The following MAML3 variants were observed in gnomAD, a reference collection of about 807,000 sequenced individuals.
MAML3 encodes the protein mastermind-like protein 3.
A neutral mutation model predicts 101.9 loss-of-function variants in MAML3; 27 were observed. That is an observed-to-expected ratio of 0.27 (90% CI 0.20 to 0.37). MAML3 has a LOEUF of 0.37. Ranked by LOEUF, MAML3 falls within the 10% of genes least tolerant of loss-of-function variation. The pLI is 1.00. For missense variants in MAML3, 1,316 were observed against 1,444.9 expected (o/e 0.91, Z 1.45); for synonymous variants, 501 against 555.9 (o/e 0.90, Z 1.39).
chr4:140,088,708 A>G lies in MAML3; in HGVS notation c.468+64152T>C, dbSNP rs544313617. ...GCATTGCCAGGAGCTCTTCACTGGT[A>G]TCTCCTTTGGTATTTAAAAGCTTCT... is the stretch of plus-strand genomic sequence containing the variant. On this transcript the variant is annotated intron_variant, in intron 1 of 4. Coordinates refer to ENST00000509479, the MANE Select transcript of MAML3 (RefSeq NM_018717.5). Among the ~76,000 whole-genome samples, 25 of 152,228 alleles carry G rather than the reference A, an allele frequency of 1.6e-4. No homozygotes were observed. The South Asian group carries it at 5.0e-3, about 30-fold the overall frequency.
intron 1 of MAML3, among the ~76,000 whole-genome samples, chr4:139,921,560 G>A (rs1469382900): frequency 1.3e-5 from 2 of 152,076 alleles, no homozygotes; most frequent in Non-Finnish European, 2.9e-5. Context: ...GATCTGTGGG[G>A]AGACTGCAAT....
chr4:139,803,708 T>C (rs1038662785), intron 2 of MAML3, among the ~76,000 whole-genome samples: 23 of 152,172 alleles, frequency 1.5e-4, no homozygotes, highest in African/African-American at 5.6e-4. Context: ...CACACAGCAC[T>C]TTACAGTCTA....
At chr4:139,723,563 C>T (rs752924821) in intron 4 of MAML3, among the ~76,000 whole-genome samples, 6 of 152,160 alleles carry the variant, frequency 3.9e-5, no homozygotes, top group Non-Finnish European at 7.4e-5. Context: ...CTGCCCGCCT[C>T]GGCCTCCCAA....
chr4:140,051,280 C>T (rs1259853052), intron 1 of MAML3, among the ~76,000 whole-genome samples: 5 of 152,286 alleles, frequency 3.3e-5, no homozygotes, highest in South Asian at 2.1e-4. Context: ...TCAGGCCAGT[C>T]ACAATGGCTC....
chr4:140,118,603 G>A (rs903895633), intron 1 of MAML3, among the ~76,000 whole-genome samples: 2 of 152,070 alleles, frequency 1.3e-5, no homozygotes, highest in Non-Finnish European at 2.9e-5. Context: ...CCAGCACTTT[G>A]GGAGGCGAAG....
At chr4:139,834,997 T>C (rs575582067) in intron 2 of MAML3, among the ~76,000 whole-genome samples, 93 of 152,344 alleles carry the variant, frequency 6.1e-4, no homozygotes, top group African/African-American at 2.2e-3. Flanking sequence ...TACTAATATG[T>C]TTCCTGTTGG....
chr4:139,989,880 C>CAG (rs1310864161), intron 1 of MAML3, among the ~76,000 whole-genome samples: 15 of 58,162 alleles, frequency 2.6e-4, no homozygotes, highest in South Asian at 8.8e-4. Context: ...CACACACACA[C>CAG]ACAGAGAGAG....
chr4:139,902,073 A>G (rs1288874830), intron 1 of MAML3, among the ~76,000 whole-genome samples: 1 of 152,180 alleles, frequency 6.6e-6, no homozygotes, highest in Non-Finnish European at 1.5e-5. Context: ...CTCTTACTCG[A>G]TAAAAAGCCT....
At chr4:139,922,728 T>C (rs146466387) in intron 1 of MAML3, among the ~76,000 whole-genome samples, 1 of 152,290 alleles carries the variant, frequency 6.6e-6, no homozygotes, top group East Asian at 1.9e-4. Context: ...AGCAGCAATG[T>C]ATGTGTCTGG....
At chr4:140,069,414 GAGGA>G (rs1727597893) in intron 1 of MAML3, among the ~76,000 whole-genome samples, 3 of 64,678 alleles carry the variant, frequency 4.6e-5, no homozygotes, top group African/African-American at 1.6e-4. Flanking sequence ...GGAGGAGGAG[GAGGA>G]GGGGAAGGAG....
At chr4:139,832,776 C>T (rs565620842) in intron 2 of MAML3, among the ~76,000 whole-genome samples, 14 of 152,286 alleles carry the variant, frequency 9.2e-5, no homozygotes, top group Admixed American at 7.2e-4. Context: ...GAGGTCCATA[C>T]GAGCACATAA....
chr4:139,964,383 G>A (rs542367853), intron 1 of MAML3, among the ~76,000 whole-genome samples: 1 of 152,040 alleles, frequency 6.6e-6, no homozygotes, highest in Non-Finnish European at 1.5e-5. Context: ...AGTGGAAGTT[G>A]AACAATGAGA....
At chr4:140,032,472 C>A (rs1033305927) in intron 1 of MAML3, among the ~76,000 whole-genome samples, 4 of 152,142 alleles carry the variant, frequency 2.6e-5, no homozygotes, top group Non-Finnish European at 5.9e-5. Flanking sequence ...TTTTAGTAAA[C>A]CAGATATTTA....
At chr4:139,720,404 G>A in intron 4 of MAML3, 81 bp from the exon 5 acceptor site, 4 of 1,312,676 alleles carry the variant, frequency 3.0e-6, no homozygotes, top group South Asian at 3.5e-5. Context: ...ATTTTCTTTG[G>A]GAATGACAAA....
chr4:139,931,040 T>G (rs1007136506), intron 1 of MAML3, among the ~76,000 whole-genome samples: 5 of 152,216 alleles, frequency 3.3e-5, no homozygotes, highest in African/African-American at 1.2e-4. Flanking sequence ...CTGTGTTTTC[T>G]TCTTTCTCCT....
At chr4:140,071,754 T>G (rs1727657633) in intron 1 of MAML3, among the ~76,000 whole-genome samples, 2 of 66,736 alleles carry the variant, frequency 3.0e-5, no homozygotes, top group African/African-American at 1.0e-4. Flanking sequence ...GGGACCAGGA[T>G]TAGAGAGAGA....
At chr4:139,728,045 A>G (rs558537471) in intron 3 of MAML3, among the ~76,000 whole-genome samples, 28 of 152,178 alleles carry the variant, frequency 1.8e-4, no homozygotes, top group African/African-American at 6.5e-4. Flanking sequence ...GTGAAACCCC[A>G]TCTCTACTAA....
intron 1 of MAML3, among the ~76,000 whole-genome samples, chr4:140,076,175 T>C (rs990912325): frequency 2.0e-5 from 3 of 151,446 alleles, no homozygotes; most frequent in African/African-American, 7.3e-5. Flanking sequence ...CCCATTTATA[T>C]ATATATAATA....
intron 2 of MAML3, among the ~76,000 whole-genome samples, chr4:139,758,216 T>A (rs1729690354): frequency 1.3e-5 from 2 of 152,274 alleles, no homozygotes; most frequent in African/African-American, 4.8e-5. Flanking sequence ...TTTTAAAATT[T>A]GATTTGGGAG....
Sources: allele counts gnomAD v4.1 joint callset (sites outside exome capture counted in the v4.1 genomes callset), GRCh38; gene constraint gnomAD v4.1.1; transcripts MANE v1.5; gene names NCBI Gene and HGNC (gene_info 2026-07-23, HGNC 2026-07-21).